Variants in TNFRSF11B observed in about 807,000 individuals in gnomAD.
The protein encoded by TNFRSF11B is TNF receptor superfamily member 11b, also known as tumor necrosis factor receptor superfamily member 11B.
TNFRSF11B carries 16 observed loss-of-function variants against 43.4 expected under a neutral mutation model. The ratio of observed to expected loss-of-function variants is 0.37; its 90% CI spans 0.25 to 0.56. The LOEUF (loss-of-function observed/expected upper bound fraction) is 0.56, where lower values mean the gene tolerates loss of function less well. Ranked by LOEUF, TNFRSF11B falls within the 20% of genes least tolerant of loss-of-function variation. TNFRSF11B has a pLI of 0.80. For synonymous variants in TNFRSF11B, 185 were observed against 181.8 expected (o/e 1.02, Z -0.14); for missense variants, 444 against 490.1 (o/e 0.91, Z 0.89).
At chr8:118,925,199 C>A (rs1002394613) in intron 4 of TNFRSF11B, among the ~76,000 whole-genome samples, 1 of 152,192 alleles carries the variant, frequency 6.6e-6, no homozygotes, top group African/African-American at 2.4e-5. Context: ...AAAGAATACA[C>A]ATAGCACCAG....
Position 118,928,733 on chromosome 8 carries a change from A to C in TNFRSF11B, c.592+5T>G. The C allele has an allele frequency of 6.2e-7, 1 of 1,613,970 alleles. No homozygotes were observed. The highest frequency in any genetic ancestry group is 8.5e-7 in the Non-Finnish European group (1 of 1,179,846). On this transcript the variant is annotated splice_donor_5th_base_variant and intron_variant, in intron 3 of 4. Transcript: ENST00000297350. ...GTACAAAGACGTATTTTGGAATGTA[A>C]TTACCTATTCCACATTTTTGAGTTG...
chr8:118,931,087 C>T (rs1276664126), intron 2 of TNFRSF11B, among the ~76,000 whole-genome samples: 18 of 152,168 alleles, frequency 1.2e-4, no homozygotes, highest in Admixed American at 1.2e-3. Context: ...ACCATGCTTG[C>T]TCTAAGTAAT....
chr8:118,927,849 C>T (rs1006989925), intron 3 of TNFRSF11B, among the ~76,000 whole-genome samples: 1 of 152,100 alleles, frequency 6.6e-6, no homozygotes, highest in African/African-American at 2.4e-5. Context: ...CACACACTAG[C>T]CTGATGAATT....
In TNFRSF11B at chr8:118,927,596, C is replaced by G. The variant is rs1168345884; in HGVS notation, c.593-878G>C. On this transcript the variant is annotated intron_variant, in intron 3 of 4. Coordinates refer to ENST00000297350, the MANE Select transcript of TNFRSF11B (RefSeq NM_002546.4). ...GATAAGAAAGCAAAGGCTAAAATGG[C>G]TTGTCTATGATTTCAATTACACAAT... 2.2e-5 allele frequency among the ~76,000 whole-genome samples: 3 copies of G among 133,718 alleles called. No homozygotes were observed. In the East Asian group the frequency reaches 6.5e-4, roughly 29 times the overall value. The allele number at this position is 133,718 out of a possible 152,430, so 87.7% of individuals were successfully genotyped here. A position where few individuals can be genotyped will look rare whatever the true frequency, so the allele number is the denominator to read the frequency against.
chr8:118,924,843 A>C, intron 4 of TNFRSF11B, 81 bp from the exon 5 acceptor site: 3 of 1,553,418 alleles, frequency 1.9e-6, no homozygotes, highest in Non-Finnish European at 2.6e-6. Flanking sequence ...GTGAGGCAAA[A>C]GGTTCTTGCA....
At chr8:118,929,018 A>G in intron 2 of TNFRSF11B, 89 bp from the exon 3 acceptor site, 1 of 1,277,432 alleles carries the variant, frequency 7.8e-7, no homozygotes, top group South Asian at 1.2e-5. Flanking sequence ...AAGACTTTTC[A>G]CTTGGTTTTT....
intron 1 of TNFRSF11B, among the ~76,000 whole-genome samples, chr8:118,943,965 A>T (rs921326252): frequency 1.3e-5 from 2 of 152,180 alleles, no homozygotes; most frequent in East Asian, 3.8e-4. Flanking sequence ...AGCAGAAGAC[A>T]GAAGAGATCC....
intron 1 of TNFRSF11B, among the ~76,000 whole-genome samples, chr8:118,941,442 T>C (rs1018263738): frequency 6.6e-6 from 1 of 152,194 alleles, no homozygotes; most frequent in African/African-American, 2.4e-5. Context: ...GCACAAACAA[T>C]TATGATTTAT....
intron 2 of TNFRSF11B, 147 bp downstream of exon 2, chr8:118,932,784 C>G: frequency 9.8e-7 from 1 of 1,015,956 alleles, no homozygotes; most frequent in Non-Finnish European, 1.5e-6. Flanking sequence ...GGAAGCACTC[C>G]AGACACATAG....
intron 1 of TNFRSF11B, among the ~76,000 whole-genome samples, chr8:118,945,353 A>G (rs1389371389): frequency 6.6e-6 from 1 of 152,088 alleles, no homozygotes; most frequent in Non-Finnish European, 1.5e-5. Flanking sequence ...TCTAACCTCT[A>G]TTTTAGAGAT....
chr8:118,938,797 A>C (rs1264180417), intron 1 of TNFRSF11B, among the ~76,000 whole-genome samples: 30 of 152,232 alleles, frequency 2.0e-4, no homozygotes, highest in Admixed American at 2.0e-3. Flanking sequence ...TGGTGTATGC[A>C]TCTTCCTAAA....
intron 3 of TNFRSF11B, among the ~76,000 whole-genome samples, chr8:118,927,551 ATT>A (rs10675780): frequency 3.7e-5 from 5 of 136,206 alleles, no homozygotes; most frequent in East Asian, 2.1e-4. Context: ...CCCTTCCTTC[ATT>A]TTTTTTTTTT....
chr8:118,941,411 T>C (rs11573867), intron 1 of TNFRSF11B, among the ~76,000 whole-genome samples: 3,212 of 152,280 alleles, frequency 0.021, 107 homozygotes, highest in African/African-American at 0.072. Context: ...GCCTTTTTCC[T>C]AGGCAAACAG....
chr8:118,928,933 C>T lies in TNFRSF11B; in HGVS notation c.401-4G>A, dbSNP rs557774525. The stretch of plus-strand genomic sequence containing the variant: ...ACTGTATTTCGCTCTGGGGTTCCTA[C>T]AGAAAATACCAAGCAATTTAGTACC... On this transcript the variant is annotated splice_region_variant and splice_polypyrimidine_tract_variant and intron_variant, in intron 2 of 4. Transcript: ENST00000297350. 13 of 1,613,824 alleles carry T rather than the reference C, an allele frequency of 8.1e-6. No individual in the cohort carries two copies. The highest frequency in any genetic ancestry group is 1.3e-5 in the African/African-American group (1 of 74,904).
intron 1 of TNFRSF11B, among the ~76,000 whole-genome samples, chr8:118,945,131 A>G (rs1375110164): frequency 1.3e-5 from 2 of 152,176 alleles, no homozygotes; most frequent in African/African-American, 4.8e-5. Context: ...ACTGATTTAA[A>G]TAGAATTTCT....
chr8:118,945,256 G>T (rs1296598852), intron 1 of TNFRSF11B, among the ~76,000 whole-genome samples: 1 of 139,850 alleles, frequency 7.2e-6, no homozygotes, highest in Non-Finnish European at 1.5e-5. Flanking sequence ...TGCATGTTTT[G>T]AGCGGGAAAT....
chr8:118,933,796 G>T (rs11573903), intron 1 of TNFRSF11B, among the ~76,000 whole-genome samples: 1 of 152,024 alleles, frequency 6.6e-6, no homozygotes, highest in Non-Finnish European at 1.5e-5. Flanking sequence ...TGTTTCTGAC[G>T]CCTGGGATGC....
intron 1 of TNFRSF11B, among the ~76,000 whole-genome samples, chr8:118,940,341 G>T (rs570158977): frequency 1.3e-5 from 2 of 152,138 alleles, no homozygotes; most frequent in Admixed American, 1.3e-4. Flanking sequence ...AAAAGAAAAG[G>T]GTGTTAAATG....
Position 118,924,758 on chromosome 8 carries a change from A to G in TNFRSF11B, c.822T>C (p.Ile274=). ...QDIVKKIIQD[I]DLCENSVQRH... is the part of the protein sequence containing the mutation. ...GCTGCACGCTGTTTTCACAGAGGTC[A>G]ATATCTGCATAAAGCAAAAGCCCAG... The change falls in exon 5 of 5, where the codon ATT becomes ATC. Residue 274 remains isoleucine, a synonymous_variant. Transcript: ENST00000297350. 1 of 1,614,124 alleles carries G rather than the reference A, an allele frequency of 6.2e-7. No individual in the cohort carries two copies. Among genetic ancestry groups the G allele is most frequent in the Middle Eastern group, 1.6e-4 (1 of 6,062 alleles).
Sources: gnomAD v4.1 joint callset for allele counts (sites outside exome capture counted in the v4.1 genomes callset) on GRCh38, gnomAD v4.1.1 for gene constraint, MANE v1.5 for transcripts, NCBI Gene and HGNC (gene_info 2026-07-23, HGNC 2026-07-21) for gene names.